Variants in PPARGC1A observed in about 807,000 individuals in gnomAD.
The protein encoded by PPARGC1A is PPARG coactivator 1 alpha.
In PPARGC1A, 25 loss-of-function variants were observed where a neutral mutation model predicts 88.7. The ratio of observed to expected loss-of-function variants is 0.28; its 90% CI spans 0.21 to 0.39. The LOEUF (loss-of-function observed/expected upper bound fraction) is 0.39, where lower values mean the gene tolerates loss of function less well. Ranked by LOEUF, PPARGC1A falls within the 10% of genes least tolerant of loss-of-function variation. The probability of loss-of-function intolerance (pLI) is 1.00; values close to 1 mark genes in which losing one functional copy is unlikely to be tolerated. For synonymous variants in PPARGC1A, 363 were observed against 355.6 expected, an observed-to-expected ratio of 1.02 and a Z score of -0.24; for missense variants, 880 against 968.7, an observed-to-expected ratio of 0.91 and a Z score of 1.22.
At chr4:24,298,349 A>T in the PPARGC1A span, among the ~76,000 whole-genome samples, 2 of 152,164 alleles carry the variant, frequency 1.3e-5, no homozygotes, top group African/African-American at 4.8e-5. Context: ...GTAACCTCGG[A>T]TAAGTTGCTT....
At chr4:23,800,261 ATATAAT>A (rs1718424305) in intron 12 of PPARGC1A, among the ~76,000 whole-genome samples, 1 of 152,184 alleles carries the variant, frequency 6.6e-6, no homozygotes, top group African/African-American at 2.4e-5. Flanking sequence ...AATAAATTTA[ATATAAT>A]TATGTCATAT....
the PPARGC1A span, among the ~76,000 whole-genome samples, chr4:24,412,178 G>C: frequency 4.1e-4 from 62 of 152,232 alleles, no homozygotes; most frequent in South Asian, 5.8e-3. Flanking sequence ...CCAGAATTTG[G>C]TGTTGTCATT....
At chr4:24,437,614 T>C in the PPARGC1A span, among the ~76,000 whole-genome samples, 1 of 151,714 alleles carries the variant, frequency 6.6e-6, no homozygotes, top group African/African-American at 2.4e-5. Flanking sequence ...TTGTTGTTGT[T>C]GTTGTTGTTG....
At chr4:24,179,696 T>C in the PPARGC1A span, among the ~76,000 whole-genome samples, 2 of 152,090 alleles carry the variant, frequency 1.3e-5, no homozygotes, top group South Asian at 2.1e-4. Context: ...CACAGAATCA[T>C]GAGCTACATA....
At chr4:24,218,422 T>G in the PPARGC1A span, among the ~76,000 whole-genome samples, 1 of 152,170 alleles carries the variant, frequency 6.6e-6, no homozygotes, top group Non-Finnish European at 1.5e-5. Flanking sequence ...CTTCACATCT[T>G]GAAGGATACA....
the PPARGC1A span, among the ~76,000 whole-genome samples, chr4:24,025,712 T>C: frequency 6.8e-6 from 1 of 147,828 alleles, no homozygotes. Context: ...TCAAGTGCAA[T>C]AGATAGAGGG....
At chr4:24,401,555 C>G in the PPARGC1A span, among the ~76,000 whole-genome samples, 8 of 152,314 alleles carry the variant, frequency 5.3e-5, no homozygotes, top group South Asian at 2.1e-4. Flanking sequence ...TTAATGTTTA[C>G]TGAGCATGTA....
the PPARGC1A span, among the ~76,000 whole-genome samples, chr4:23,949,442 C>G: frequency 2.0e-5 from 3 of 152,112 alleles, no homozygotes; most frequent in Non-Finnish European, 4.4e-5. Flanking sequence ...GCAACATCCC[C>G]CATATGGCTA....
chr4:24,205,653 C>T, the PPARGC1A span, among the ~76,000 whole-genome samples: 2 of 152,160 alleles, frequency 1.3e-5, no homozygotes, highest in African/African-American at 2.4e-5. Flanking sequence ...CCACACGCTC[C>T]GATCTTATCC....
chr4:24,334,507 A>G, the PPARGC1A span, among the ~76,000 whole-genome samples: 1 of 152,218 alleles, frequency 6.6e-6, no homozygotes, highest in African/African-American at 2.4e-5. Context: ...TAGGAATCTC[A>G]CTTAGCACAT....
chr4:23,918,579 T>C, the PPARGC1A span, among the ~76,000 whole-genome samples: 1 of 152,170 alleles, frequency 6.6e-6, no homozygotes, highest in Non-Finnish European at 1.5e-5. Flanking sequence ...TAATGAGACA[T>C]CATGACAAAT....
the PPARGC1A span, among the ~76,000 whole-genome samples, chr4:24,414,814 C>T: frequency 2.0e-5 from 3 of 152,178 alleles, no homozygotes; most frequent in Non-Finnish European, 4.4e-5. Flanking sequence ...GGTGGCCTTG[C>T]ACCCTTCTTC....
the PPARGC1A span, among the ~76,000 whole-genome samples, chr4:24,447,009 G>A: frequency 1.3e-5 from 2 of 152,196 alleles, no homozygotes; most frequent in African/African-American, 4.8e-5. Context: ...CTCAGCCTCT[G>A]GCAGCATCGT....
At chr4:24,351,202 G>A in the PPARGC1A span, among the ~76,000 whole-genome samples, 1 of 148,612 alleles carries the variant, frequency 6.7e-6, no homozygotes, top group South Asian at 2.2e-4. Flanking sequence ...CTGCACTCCA[G>A]CCTGAGTGAC....
At chr4:23,981,648 C>G in the PPARGC1A span, among the ~76,000 whole-genome samples, 1 of 152,284 alleles carries the variant, frequency 6.6e-6, no homozygotes, top group South Asian at 2.1e-4. Flanking sequence ...GAGTCCACAA[C>G]CAGAGACCAG....
intron 2 of PPARGC1A, among the ~76,000 whole-genome samples, chr4:23,859,962 TAGAC>T (rs1460914690): frequency 3.3e-5 from 5 of 151,984 alleles, no homozygotes; most frequent in Admixed American, 6.6e-5. Context: ...GCTTTTGAGT[TAGAC>T]AATTAAGAAA....
At chr4:24,460,749 C>T in the PPARGC1A span, among the ~76,000 whole-genome samples, 1 of 152,184 alleles carries the variant, frequency 6.6e-6, no homozygotes, top group Non-Finnish European at 1.5e-5. Context: ...TTCATTAGCA[C>T]TGCTTCCTGG....
the PPARGC1A span, among the ~76,000 whole-genome samples, chr4:24,232,202 G>GA: frequency 7.4e-3 from 1,060 of 143,238 alleles, 17 homozygotes; most frequent in African/African-American, 0.025. Context: ...AGGAAGGATT[G>GA]AAAAAAAAAA....
chr4:23,859,641 C>T (rs751149328), intron 2 of PPARGC1A, among the ~76,000 whole-genome samples: 3 of 151,708 alleles, frequency 2.0e-5, no homozygotes, highest in African/African-American at 4.8e-5. Context: ...ATTAGCCCAG[C>T]GTGGTGGCGG....
Sources: allele counts gnomAD v4.1 joint callset (sites outside exome capture counted in the v4.1 genomes callset), GRCh38; gene constraint gnomAD v4.1.1; transcripts MANE v1.5; gene names NCBI Gene and HGNC (gene_info 2026-07-23, HGNC 2026-07-21).